Variants in FARP2 observed in about 807,000 individuals in gnomAD.
FARP2 encodes FERM, ARHGEF and pleckstrin domain-containing protein 2.
Under a neutral mutation model 130.5 loss-of-function variants are expected in FARP2, and 111 were observed. The observed-to-expected ratio is 0.85, with a 90% confidence interval of 0.73 to 1.00. The LOEUF (loss-of-function observed/expected upper bound fraction) is 1.00, where lower values mean the gene tolerates loss of function less well. FARP2 is among the 50% of genes least tolerant of loss of function. The pLI, the probability that FARP2 is intolerant of heterozygous loss-of-function variation, is 0.00. For missense variants in FARP2, 1,385 were observed against 1,346.3 expected, an observed-to-expected ratio of 1.03 and a Z score of -0.45; for synonymous variants, 504 against 516.9, an observed-to-expected ratio of 0.98 and a Z score of 0.34.
At chr2:241,483,294 G>T (rs962388115) in intron 19 of FARP2, among the ~76,000 whole-genome samples, 171 bp from the exon 20 acceptor site, 20 of 152,228 alleles carry the variant, frequency 1.3e-4, no homozygotes, top group Non-Finnish European at 2.9e-5. Context: ...GTGACCAAGG[G>T]CACTGCTGAG....
chr2:241,410,231 A>G lies in FARP2; in HGVS notation c.411-802A>G, dbSNP rs1406132508. Reference sequence around the variant, plus strand: ...CAGATCCTAGCCAAGACCAGATATTATCAATCCGTTAAAAAATTTCACAGC... The same window carrying G: ...CAGATCCTAGCCAAGACCAGATATTGTCAATCCGTTAAAAAATTTCACAGC... On this transcript the variant is annotated intron_variant, in intron 5 of 26. Transcript: ENST00000264042. Among the ~76,000 whole-genome samples, 3 of 152,334 alleles carry G rather than the reference A, an allele frequency of 2.0e-5. No individual in the cohort carries two copies. In the East Asian group the frequency reaches 5.8e-4, roughly 29 times the overall value.
chr2:241,394,405 C>A (rs1467429678), intron 2 of FARP2, among the ~76,000 whole-genome samples: 2 of 151,858 alleles, frequency 1.3e-5, no homozygotes, highest in African/African-American at 4.8e-5. Context: ...GTAGTCCCAG[C>A]TACTCAGGAG....
chr2:241,420,838 G>A (rs2062788211), intron 8 of FARP2, among the ~76,000 whole-genome samples: 1 of 152,182 alleles, frequency 6.6e-6, no homozygotes, highest in Non-Finnish European at 1.5e-5. Flanking sequence ...AGTTATGACA[G>A]CCTCAGTTCT....
chr2:241,385,317 T>C (rs1301197137), intron 2 of FARP2, among the ~76,000 whole-genome samples: 1 of 152,188 alleles, frequency 6.6e-6, no homozygotes. Flanking sequence ...AGTCAAGTAG[T>C]TTATAAAATA....
intron 2 of FARP2, among the ~76,000 whole-genome samples, chr2:241,381,403 C>T (rs371315239): frequency 1.3e-5 from 2 of 152,124 alleles, no homozygotes; most frequent in Non-Finnish European, 2.9e-5. Context: ...GGCTCTGGAG[C>T]GTGGACTTCC....
At chr2:241,481,869 C>T (rs143391218) in intron 19 of FARP2, among the ~76,000 whole-genome samples, 3 of 152,334 alleles carry the variant, frequency 2.0e-5, no homozygotes, top group African/African-American at 7.2e-5. Context: ...TGCGCCCCCT[C>T]TCTGAGGCAG....
At chr2:241,410,437 T>C (rs1308649447) in intron 5 of FARP2, among the ~76,000 whole-genome samples, 2 of 151,418 alleles carry the variant, frequency 1.3e-5, no homozygotes, top group Non-Finnish European at 2.9e-5. Flanking sequence ...TTCTTTCTTT[T>C]TTTTTTTTTT....
At chr2:241,358,010 C>T (rs749270290) in intron 1 of FARP2, among the ~76,000 whole-genome samples, 2 of 152,000 alleles carry the variant, frequency 1.3e-5, no homozygotes, top group Non-Finnish European at 2.9e-5. Context: ...CTCAACAGGG[C>T]GAAACCCCAT....
chr2:241,420,521 T>C (rs2062779192), intron 8 of FARP2, among the ~76,000 whole-genome samples: 1 of 152,154 alleles, frequency 6.6e-6, no homozygotes, highest in South Asian at 2.1e-4. Context: ...GTATTACATT[T>C]TCACAAAACC....
intron 8 of FARP2, among the ~76,000 whole-genome samples, chr2:241,428,884 C>G (rs949858986): frequency 1.1e-4 from 17 of 152,174 alleles, no homozygotes; most frequent in African/African-American, 4.1e-4. Context: ...TTAGATATTT[C>G]ATATAAGTGG....
At chr2:241,443,123 T>C in intron 13 of FARP2, 1 of 268,820 alleles carries the variant, frequency 3.7e-6, no homozygotes, top group Non-Finnish European at 7.3e-6. Flanking sequence ...TAGCCTTTTC[T>C]TCAGCAACCC....
intron 18 of FARP2, among the ~76,000 whole-genome samples, chr2:241,471,037 T>C (rs1191367456): frequency 2.7e-5 from 4 of 150,170 alleles, no homozygotes; most frequent in South Asian, 2.1e-4. Flanking sequence ...AATAGTGTCA[T>C]GGGGGAACAT....
chr2:241,487,786 C>T (rs1219697345), intron 21 of FARP2, among the ~76,000 whole-genome samples: 16 of 105,484 alleles, frequency 1.5e-4, no homozygotes, highest in Non-Finnish European at 2.6e-4. Flanking sequence ...ATCGCTCTGT[C>T]GCCCAGGCTG....
intron 2 of FARP2, among the ~76,000 whole-genome samples, chr2:241,396,309 G>A (rs1450606843): frequency 6.6e-6 from 1 of 152,162 alleles, no homozygotes; most frequent in Non-Finnish European, 1.5e-5. Flanking sequence ...AAAAGCAATA[G>A]CAACAAAAGC....
chr2:241,488,214 T>C (rs985052821), intron 21 of FARP2: 10 of 152,142 alleles, frequency 6.6e-5, no homozygotes, highest in Non-Finnish European at 1.3e-4. Flanking sequence ...TTCTACTGAA[T>C]GCTTATCACT....
chr2:241,456,486 GC>G (rs1051185025), intron 13 of FARP2: 8 of 392,602 alleles, frequency 2.0e-5, no homozygotes, highest in African/African-American at 6.3e-5. Context: ...TGGTATCCAG[GC>G]CCCCCTAGAG....
chr2:241,488,594 G>C (rs984235054), intron 21 of FARP2: 1 of 151,834 alleles, frequency 6.6e-6, no homozygotes, highest in African/African-American at 2.4e-5. Context: ...TAGAGACGGG[G>C]TTTCACCGTG....
intron 8 of FARP2, among the ~76,000 whole-genome samples, chr2:241,420,815 CCAT>C (rs1219991311): frequency 2.6e-5 from 4 of 152,170 alleles, no homozygotes; most frequent in Non-Finnish European, 4.4e-5. Flanking sequence ...AATTTCATCT[CCAT>C]CATCCACAGA....
At chr2:241,360,889 A>G (rs1209529114) in intron 1 of FARP2, among the ~76,000 whole-genome samples, 1 of 152,104 alleles carries the variant, frequency 6.6e-6, no homozygotes, top group Non-Finnish European at 1.5e-5. Flanking sequence ...ACAGTAGATA[A>G]ATTTTTATTG....
Sources: gnomAD v4.1 joint callset for allele counts (sites outside exome capture counted in the v4.1 genomes callset) on GRCh38, gnomAD v4.1.1 for gene constraint, MANE v1.5 for transcripts, NCBI Gene and HGNC (gene_info 2026-07-23, HGNC 2026-07-21) for gene names.